The following FER variants were observed in gnomAD, a reference collection of about 807,000 sequenced individuals.
The protein encoded by FER is FER tyrosine kinase.
A neutral mutation model predicts 111.0 loss-of-function variants in FER; 63 were observed. The observed-to-expected ratio is 0.57, with a 90% CI of 0.46 to 0.70. The LOEUF is 0.70. Ranked by LOEUF, FER falls within the 30% of genes least tolerant of loss-of-function variation. FER has a pLI of 0.00. For synonymous variants in FER, 327 were observed against 313.9 expected (o/e 1.04, Z -0.44); for missense variants, 914 against 954.0 (o/e 0.96, Z 0.55).
chr5:109,075,994 A>T lies in FER; in HGVS notation c.1925-24402A>T, dbSNP rs115354931. Among the ~76,000 whole-genome samples, 1,482 of 152,200 alleles carry T rather than the reference A, an allele frequency of 9.7e-3. 19 individuals are homozygous for T. The highest frequency in any genetic ancestry group is 0.034 in the African/African-American group (1,412 of 41,522). ...CTTCAGAAAAGAAAAATGAAAAAAA[A>T]AATTAGAAGCTATTTCAGGGAACAC... On this transcript the variant is annotated intron_variant, in intron 16 of 19. Transcript: ENST00000281092.
At chr5:108,801,203 A>G (rs1756606738) in intron 3 of FER, among the ~76,000 whole-genome samples, 1 of 152,146 alleles carries the variant, frequency 6.6e-6, no homozygotes, top group African/African-American at 2.4e-5. Flanking sequence ...TCATATTTTT[A>G]TCTTTTTTTG....
In FER at chr5:108,956,699, AT is replaced by A. The variant is rs1242295153; in HGVS notation, c.1533+1771del. Reference sequence around the variant, plus strand: ...AATGCCTCAGGTTTTCTGCTGCCTAATTTTATTCTAGTGAGTTTTTGCTGTA... The same window carrying A: ...AATGCCTCAGGTTTTCTGCTGCCTAATTTATTCTAGTGAGTTTTTGCTGTA... On this transcript the variant is annotated intron_variant, in intron 12 of 19. Transcript: ENST00000281092. Among the ~76,000 whole-genome samples, 3 of 151,552 alleles carry A rather than the reference AT, an allele frequency of 2.0e-5. No homozygotes were observed. In the East Asian group the frequency reaches 5.8e-4, roughly 29 times the overall value.
At chr5:108,882,784 T>A (rs1406408011) in intron 8 of FER, among the ~76,000 whole-genome samples, 2 of 151,892 alleles carry the variant, frequency 1.3e-5, no homozygotes, top group Non-Finnish European at 2.9e-5. Flanking sequence ...TAGAAATACT[T>A]CCGTTAAGGA....
At chr5:109,046,881 G>A (rs1482003811) in intron 15 of FER, among the ~76,000 whole-genome samples, 1 of 152,110 alleles carries the variant, frequency 6.6e-6, no homozygotes, top group Non-Finnish European at 1.5e-5. Context: ...AACATGCATA[G>A]ATTTCTGTAT....
intron 10 of FER, among the ~76,000 whole-genome samples, chr5:108,903,462 C>A (rs1327402124): frequency 6.6e-6 from 1 of 152,072 alleles, no homozygotes; most frequent in Non-Finnish European, 1.5e-5. Context: ...GTCAGGAGTT[C>A]GAGACCAGCC....
intron 17 of FER, among the ~76,000 whole-genome samples, chr5:109,153,825 A>G (rs936765921): frequency 2.6e-5 from 4 of 151,854 alleles, no homozygotes; most frequent in Admixed American, 2.0e-4. Flanking sequence ...CATTAGCAGT[A>G]TACCGTCTCT....
chr5:108,900,472 T>C (rs1376328494), intron 10 of FER, among the ~76,000 whole-genome samples: 2 of 152,254 alleles, frequency 1.3e-5, no homozygotes, highest in Admixed American at 6.5e-5. Flanking sequence ...AGTGGTTCTA[T>C]TGGTATTTTC....
intron 3 of FER, among the ~76,000 whole-genome samples, chr5:108,807,345 A>G (rs1429730243): frequency 6.6e-6 from 1 of 152,140 alleles, no homozygotes; most frequent in Non-Finnish European, 1.5e-5. Context: ...TCCTGATTCA[A>G]TCTTGAGAAG....
intron 16 of FER, among the ~76,000 whole-genome samples, chr5:109,074,580 A>G (rs1776113373): frequency 6.6e-6 from 1 of 152,236 alleles, no homozygotes; most frequent in East Asian, 1.9e-4. Flanking sequence ...ACTCTGCAGT[A>G]CTATTAATAC....
chr5:109,025,050 G>A (rs111453898), intron 13 of FER, among the ~76,000 whole-genome samples: 1 of 151,896 alleles, frequency 6.6e-6, no homozygotes, highest in Non-Finnish European at 1.5e-5. Context: ...AAGTCAGGTA[G>A]CGTGATGCCT....
intron 10 of FER, among the ~76,000 whole-genome samples, chr5:108,930,876 A>G (rs1048649460): frequency 2.6e-5 from 4 of 151,796 alleles, no homozygotes; most frequent in Admixed American, 2.6e-4. Flanking sequence ...GGCCTCCCAA[A>G]GTGTTGAGAT....
chr5:108,790,235 CCACACACACACACACA>C lies in FER; in HGVS notation c.-59-7865_-59-7850del, dbSNP rs66805209. 1.2e-3 allele frequency among the ~76,000 whole-genome samples: 174 copies of C among 145,200 alleles called. 5 individuals are homozygous for C. In the South Asian group the frequency reaches 0.026, roughly 22 times the overall value. On this transcript the variant is annotated intron_variant, in intron 2 of 19. Transcript: ENST00000281092. ...GTATGTATACATATATGCATACACA[CCACACACACACACACA>C]CACACACACACACACACACACACTC...
chr5:109,120,764 A>G (rs1217130842), intron 17 of FER, among the ~76,000 whole-genome samples: 1 of 151,850 alleles, frequency 6.6e-6, no homozygotes, highest in African/African-American at 2.4e-5. Flanking sequence ...TTCGTGTTCA[A>G]TTTATTTCAC....
intron 10 of FER, among the ~76,000 whole-genome samples, chr5:108,900,387 A>G (rs113943841): frequency 5.5e-4 from 84 of 152,336 alleles, no homozygotes; most frequent in African/African-American, 1.6e-3. Flanking sequence ...AAAGCTTTAA[A>G]TGATTTTGTC....
At chr5:108,762,346 G>A (rs937728338) in intron 1 of FER, among the ~76,000 whole-genome samples, 2 of 152,040 alleles carry the variant, frequency 1.3e-5, no homozygotes, top group Non-Finnish European at 2.9e-5. Context: ...TAGTCTTTCA[G>A]CATACTCTGT....
intron 9 of FER, among the ~76,000 whole-genome samples, chr5:108,893,898 G>A (rs1288632143): frequency 1.3e-5 from 2 of 151,926 alleles, no homozygotes; most frequent in Admixed American, 1.3e-4. Flanking sequence ...CTGGTAGGGG[G>A]CTGTATTAGT....
rs61733153 is a variant in FER at position 109,052,387 on chromosome 5, A to G, written c.1924+5189A>G. 2,667 of 1,562,420 alleles carry G rather than the reference A, an allele frequency of 1.7e-3. 37 individuals carry two copies. In the African/African-American group the frequency reaches 0.03, roughly 18 times the overall value. On this transcript the variant is annotated intron_variant, in intron 16 of 19. Transcript: ENST00000281092. ...GAAAATGAAAAGTACTGACAGCCAC[A>G]CCTTCCCTCCAGCAGTTAAGTAGGC...
intron 5 of FER, among the ~76,000 whole-genome samples, chr5:108,844,068 G>GTGTGTGAACATATATA (rs1761576457): frequency 6.8e-6 from 1 of 147,130 alleles, no homozygotes; most frequent in Non-Finnish European, 1.5e-5. Flanking sequence ...ACATATATAT[G>GTGTGTGAACATATATA]TGTGTGAACA....
chr5:109,008,426 T>C (rs11955886), intron 13 of FER, among the ~76,000 whole-genome samples: 2 of 152,108 alleles, frequency 1.3e-5, no homozygotes, highest in African/African-American at 2.4e-5. Context: ...CTTCCTTCTT[T>C]TACTAAGAAC....
Sources: gnomAD v4.1 joint callset for allele counts (sites outside exome capture counted in the v4.1 genomes callset) on GRCh38, gnomAD v4.1.1 for gene constraint, MANE v1.5 for transcripts, NCBI Gene and HGNC (gene_info 2026-07-23, HGNC 2026-07-21) for gene names.